Variants in CACNA1C observed in about 807,000 individuals in gnomAD.
CACNA1C encodes calcium voltage-gated channel subunit alpha1 C.
A neutral mutation model predicts 229.0 loss-of-function variants in CACNA1C; 30 were observed. The ratio of observed to expected loss-of-function variants is 0.13; its 90% CI spans 0.10 to 0.18. CACNA1C has a LOEUF of 0.18. Ranked by LOEUF, CACNA1C falls within the 10% of genes least tolerant of loss-of-function variation. CACNA1C has a pLI of 1.00. For missense variants in CACNA1C, 1,658 were observed against 2,845.0 expected (o/e 0.58, Z 9.49); for synonymous variants, 1,114 against 1,132.5 (o/e 0.98, Z 0.33).
chr12:2,081,280 A>G (rs4765889), intron 1 of CACNA1C, among the ~76,000 whole-genome samples: 115,530 of 152,102 alleles, frequency 0.76, 44,272 homozygotes, highest in Middle Eastern at 0.82. Context: ...GGATGGAAAG[A>G]CATTTTTCGG....
chr12:2,676,017 G>A (rs998602454), intron 39 of CACNA1C: 1 of 152,316 alleles, frequency 6.6e-6, no homozygotes, highest in Non-Finnish European at 1.5e-5. Flanking sequence ...TACATACATC[G>A]TTTTATTGAA....
At chr12:2,219,704 A>G (rs2060941033) in intron 3 of CACNA1C, among the ~76,000 whole-genome samples, 1 of 152,214 alleles carries the variant, frequency 6.6e-6, no homozygotes, top group Non-Finnish European at 1.5e-5. Context: ...TTGAATGACT[A>G]TGAAAGTTTC....
In CACNA1C at chr12:2,689,597, A is replaced by G. The variant is rs1167976024; in HGVS notation, c.6117+818A>G. ...GGTAGTGAGCCCCCCATCATCAGAC[A>G]TAGCCAAGCAGAGACTGTGCTCATC... On this transcript the variant is annotated intron_variant, in intron 46 of 46. Transcript: ENST00000399655. The surrounding 1 kb of genome is among the most constrained non-coding windows in gnomAD (Gnocchi z 4.2). 1.3e-5 allele frequency among the ~76,000 whole-genome samples: 2 copies of G among 151,984 alleles called. No homozygotes were observed. Among genetic ancestry groups the G allele is most frequent in the Non-Finnish European group, 2.9e-5 (2 of 68,006 alleles).
intron 30 of CACNA1C, among the ~76,000 whole-genome samples, chr12:2,635,332 CTCTTTA>C (rs1283848521): frequency 6.6e-6 from 1 of 152,200 alleles, no homozygotes; most frequent in Non-Finnish European, 1.5e-5. Flanking sequence ...GTTTAAATCT[CTCTTTA>C]TCTATAGGCA....
At position 2,550,049 on chromosome 12, in the gene CACNA1C, G is replaced by A. The variant is rs369604192; in HGVS notation, c.1481+16G>A. ...CCAGGCTGGCGTGAGTAGGCACGGC[G>A]AGCCCAGGGGCTGGGGCTTTTTCTG... is the stretch of plus-strand genomic sequence containing the variant. On this transcript the variant is annotated intron_variant, in intron 10 of 46. Coordinates refer to ENST00000399655, the MANE Select transcript of CACNA1C (RefSeq NM_000719.7). The A allele has an allele frequency of 1.2e-5, 19 of 1,554,022 alleles. No homozygotes were observed. In the African/African-American group the frequency reaches 1.4e-4, roughly 11 times the overall value.
chr12:2,234,565 T>A (rs191327251), intron 3 of CACNA1C, among the ~76,000 whole-genome samples: 1 of 152,314 alleles, frequency 6.6e-6, no homozygotes, highest in African/African-American at 2.4e-5. Flanking sequence ...TCGCCCCAGC[T>A]TTGAGCCTGG....
chr12:2,151,856 G>T (rs1272036901), intron 3 of CACNA1C, among the ~76,000 whole-genome samples: 1 of 152,220 alleles, frequency 6.6e-6, no homozygotes, highest in Non-Finnish European at 1.5e-5. Context: ...CAAGGGCTGG[G>T]CAGAGGCCAT....
At chr12:2,173,819 C>T (rs999776363) in intron 3 of CACNA1C, among the ~76,000 whole-genome samples, 1 of 152,200 alleles carries the variant, frequency 6.6e-6, no homozygotes, top group East Asian at 1.9e-4. Flanking sequence ...AGAACTGTGC[C>T]TGACTCAAAG....
intron 9 of CACNA1C, among the ~76,000 whole-genome samples, chr12:2,534,910 C>T (rs1338496057): frequency 6.6e-6 from 1 of 152,182 alleles, no homozygotes; most frequent in Non-Finnish European, 1.5e-5. Context: ...GACTTACTGG[C>T]CCTTCCCCAT....
chr12:2,533,686 G>GGCT (rs2099846344), intron 9 of CACNA1C, among the ~76,000 whole-genome samples: 1 of 152,150 alleles, frequency 6.6e-6, no homozygotes, highest in African/African-American at 2.4e-5. Flanking sequence ...TGCCAGGTGG[G>GGCT]GCTAGGGCAG....
intron 3 of CACNA1C, among the ~76,000 whole-genome samples, chr12:2,246,612 C>T (rs796593865): frequency 6.6e-6 from 1 of 152,102 alleles, no homozygotes; most frequent in Non-Finnish European, 1.5e-5. Context: ...TGAGGCACAC[C>T]GAGGGTAGGT....
intron 3 of CACNA1C, among the ~76,000 whole-genome samples, chr12:2,187,243 G>A (rs929327398): frequency 1.3e-5 from 2 of 152,198 alleles, no homozygotes; most frequent in Non-Finnish European, 2.9e-5. Context: ...TGCCTGGGGT[G>A]GCACTGCCTA....
chr12:2,388,075 G>A (rs1424919132), intron 3 of CACNA1C, among the ~76,000 whole-genome samples: 1 of 152,148 alleles, frequency 6.6e-6, no homozygotes, highest in Admixed American at 6.5e-5. Context: ...CTTATATGTG[G>A]AATCTAAAGA....
intron 38 of CACNA1C, among the ~76,000 whole-genome samples, chr12:2,671,340 T>G (rs2096561750): frequency 6.6e-6 from 1 of 152,154 alleles, no homozygotes; most frequent in Non-Finnish European, 1.5e-5. Context: ...CACACATATG[T>G]GTGTATAACA....
rs1029189549 is a variant in CACNA1C at position 2,319,684 on chromosome 12, A to G, written c.478-129292A>G. Among the ~76,000 whole-genome samples, 1 of 152,116 alleles carries G rather than the reference A, an allele frequency of 6.6e-6. No individual in the cohort carries two copies. Among genetic ancestry groups the G allele is most frequent in the African/African-American group, 2.4e-5 (1 of 41,422 alleles). On this transcript the variant is annotated intron_variant, in intron 3 of 46. Transcript: ENST00000399655. This position sits in a 1 kb window ranked among gnomAD's most constrained non-coding sequence, Gnocchi z 4.0. ...ACTCTTTGGCTTGCTCTTGCTGTGT[A>G]TTAAATTTGATCTGGGGTGTCTGCA...
intron 31 of CACNA1C, among the ~76,000 whole-genome samples, chr12:2,650,088 G>A (rs1199886017): frequency 6.6e-6 from 1 of 152,144 alleles, no homozygotes; most frequent in Non-Finnish European, 1.5e-5. Context: ...CCTGCCTTGA[G>A]GGGAACGGGA....
At chr12:2,530,507 G>A (rs572345106) in intron 9 of CACNA1C, among the ~76,000 whole-genome samples, 6 of 152,306 alleles carry the variant, frequency 3.9e-5, no homozygotes, top group African/African-American at 1.4e-4. Flanking sequence ...TGCCCTCAGT[G>A]ATCATCCAGA....
At chr12:2,088,127 A>G (rs189744171) in intron 1 of CACNA1C, among the ~76,000 whole-genome samples, 9 of 152,392 alleles carry the variant, frequency 5.9e-5, no homozygotes, top group East Asian at 3.9e-4. Context: ...TTCAGAATAC[A>G]TAAGTACAAC....
Position 2,666,188 on chromosome 12 carries a change from A to G in CACNA1C, c.4526+480A>G, listed in dbSNP as rs1214831672. Among the ~76,000 whole-genome samples, 1 of 90,584 alleles carries G rather than the reference A, an allele frequency of 1.1e-5. No homozygotes were observed. Among genetic ancestry groups the G allele is most frequent in the Non-Finnish European group, 3.1e-5 (1 of 32,172 alleles). The allele number at this position is 90,584 out of a possible 152,430, so 59.4% of individuals were successfully genotyped here. On this transcript the variant is annotated intron_variant, in intron 36 of 46. Transcript: ENST00000399655. The surrounding 1 kb of genome is among the most constrained non-coding windows in gnomAD (Gnocchi z 5.3). The stretch of plus-strand genomic sequence containing the variant: ...TGGGCGACAGAGCAAGACTCCATCT[A>G]AAAAAGAAAAAGAAAATAATATATC...
Sources: allele counts gnomAD v4.1 joint callset (sites outside exome capture counted in the v4.1 genomes callset), GRCh38; gene constraint gnomAD v4.1.1; non-coding constraint Gnocchi (gnomAD v3.1); transcripts MANE v1.5; gene names NCBI Gene and HGNC (gene_info 2026-07-23, HGNC 2026-07-21).